The following UQCR11 variants were observed in gnomAD, a reference collection of about 807,000 sequenced individuals.
The protein encoded by UQCR11 is cytochrome b-c1 complex subunit 10.
A neutral mutation model predicts 7.6 loss-of-function variants in UQCR11; 10 were observed. The ratio of observed to expected loss-of-function variants is 1.31; its 90% confidence interval spans 0.81 to 2.22. UQCR11 has a LOEUF of 2.22. Ranked by LOEUF, UQCR11 falls within the 30% of genes most tolerant of loss-of-function variation. The pLI is 0.00. For synonymous variants in UQCR11, 34 were observed against 34.9 expected (o/e 0.97, Z 0.09); for missense variants, 86 against 75.1 (o/e 1.15, Z -0.54).
At position 1,605,413 on chromosome 19, in the gene UQCR11, G is replaced by C; in HGVS notation, c.-4C>G. ...GGCCCAGGAACCGGGTCACCATCGC[G>C]GCGGAGTCGCACCCTCAGGATGACC... On this transcript the variant is annotated 5_prime_UTR_variant, in exon 1 of 3. Coordinates refer to ENST00000591899, the MANE Select transcript of UQCR11 (RefSeq NM_006830.4). The C allele has an allele frequency of 3.2e-6, 5 of 1,570,608 alleles. No individual in the cohort carries two copies. The highest frequency in any genetic ancestry group is 4.3e-6 in the Non-Finnish European group (5 of 1,162,908).
At chr19:1,604,107 G>A (rs1314060451) in intron 1 of UQCR11, among the ~76,000 whole-genome samples, 1 of 152,054 alleles carries the variant, frequency 6.6e-6, no homozygotes, top group Non-Finnish European at 1.5e-5. Context: ...CACCATACTT[G>A]GCTAATTTTG....
chr19:1,605,332 G>T, intron 1 of UQCR11, 28 bp downstream of exon 1: 1 of 1,558,600 alleles, frequency 6.4e-7, no homozygotes, highest in Non-Finnish European at 8.6e-7. Flanking sequence ...GCGGGAGCGC[G>T]GATGGGGCCG....
chr19:1,597,619 T>C lies in UQCR11; in HGVS notation c.*625A>G, dbSNP rs1402762358. ...AAGCAGCTTCGTGTAGGGGCCCCCA[T>C]GGGAAGGAACTGTGGCTGTCACCGA... On this transcript the variant is annotated 3_prime_UTR_variant, in exon 3 of 3. Transcript: ENST00000591899. 1 of 151,896 alleles carries C rather than the reference T, an allele frequency of 6.6e-6. No homozygotes were observed. Among genetic ancestry groups the C allele is most frequent in the Non-Finnish European group, 1.5e-5 (1 of 67,950 alleles). The allele number at this position is 151,896 out of a possible 1,614,324, so 9.4% of individuals were successfully genotyped here.
At chr19:1,603,188 G>T (rs965595002) in intron 1 of UQCR11, among the ~76,000 whole-genome samples, 1 of 152,166 alleles carries the variant, frequency 6.6e-6, no homozygotes, top group Non-Finnish European at 1.5e-5. Flanking sequence ...CTCCCGCTTC[G>T]TTATTTTAGG....
chr19:1,605,373 G>C lies in UQCR11; in HGVS notation c.37C>G (p.Leu13Val), dbSNP rs148649128. 1.6e-4 allele frequency: 251 copies of C among 1,579,624 alleles called. 1 individual carries two copies. In the African/African-American group the frequency reaches 2.4e-3, roughly 15 times the overall value. Residue 13 changes from leucine (L) to valine (V), a missense_variant, in exon 1 of 3, where the codon CTG becomes GTG. By Grantham distance (32) the Leu-to-Val change is conservative. Transcript: ENST00000591899. ...CGGCGTCCTCACCAGTTCTTGACCA[G>C]CTCCCGGTAGCGTGGGCCCAGGAAC... ...TRFLGPRYRE[L>V]VKNWVPTAYT...
chr19:1,600,307 G>A (rs1022776129), intron 1 of UQCR11, among the ~76,000 whole-genome samples: 8 of 147,038 alleles, frequency 5.4e-5, no homozygotes, highest in South Asian at 2.2e-4. Flanking sequence ...TCCACCTCCC[G>A]GGTTCAAGCA....
At position 1,597,791 on chromosome 19, in the gene UQCR11, A is replaced by T. The variant is rs2060735849; in HGVS notation, c.*453T>A. ...CAGATACATCACTCCCAAATCCCCG[A>T]CTGACACAGACTGTGAGAGAGTGAA... is the stretch of plus-strand genomic sequence containing the variant. On this transcript the variant is annotated 3_prime_UTR_variant, in exon 3 of 3. Coordinates refer to ENST00000591899, the MANE Select transcript of UQCR11 (RefSeq NM_006830.4). 2.0e-5 allele frequency: 3 copies of T among 152,188 alleles called. No individual in the cohort carries two copies. The highest frequency in any genetic ancestry group is 1.3e-4 in the Admixed American group (2 of 15,270). The allele number at this position is 152,188 out of a possible 1,614,324, so 9.4% of individuals were successfully genotyped here.
intron 1 of UQCR11, among the ~76,000 whole-genome samples, chr19:1,599,878 G>A (rs1364293417): frequency 3.9e-5 from 6 of 152,378 alleles, no homozygotes; most frequent in South Asian, 2.1e-4. Context: ...GCTGCAGTCT[G>A]CAGAAATTCA....
At chr19:1,604,090 C>A (rs1599358294) in intron 1 of UQCR11, among the ~76,000 whole-genome samples, 1 of 152,254 alleles carries the variant, frequency 6.6e-6, no homozygotes, top group East Asian at 1.9e-4. Flanking sequence ...GGATTACAGG[C>A]ACGCGCCACC....
chr19:1,599,186 C>T (rs945949859), intron 2 of UQCR11: 5 of 502,378 alleles, frequency 1.0e-5, no homozygotes, highest in African/African-American at 2.0e-5. Context: ...AGAGGGAGGG[C>T]GAGGCCCACA....
chr19:1,601,586 C>A (rs1023552888), intron 1 of UQCR11, among the ~76,000 whole-genome samples: 1 of 142,990 alleles, frequency 7.0e-6, no homozygotes, highest in African/African-American at 2.6e-5. Flanking sequence ...GGTGACAGAG[C>A]GAGACACCGT....
chr19:1,600,228 T>C (rs1187437274), intron 1 of UQCR11, among the ~76,000 whole-genome samples: 2 of 149,954 alleles, frequency 1.3e-5, no homozygotes, highest in Non-Finnish European at 3.0e-5. Context: ...TTTTTTTTTT[T>C]TTTTGAGACG....
Position 1,605,448 on chromosome 19 carries a change from T to G in UQCR11, c.-39A>C. 4.0e-6 allele frequency: 5 copies of G among 1,258,450 alleles called. No individual in the cohort carries two copies. The highest frequency in any genetic ancestry group is 2.6e-5 in the South Asian group (2 of 77,456). The allele number at this position is 1,258,450 out of a possible 1,614,324, so 78.0% of individuals were successfully genotyped here. On this transcript the variant is annotated 5_prime_UTR_variant, in exon 1 of 3. Coordinates refer to ENST00000591899, the MANE Select transcript of UQCR11 (RefSeq NM_006830.4). ...CACCCTCAGGATGACCCTGTCCAGC[T>G]GACCCGGCTACACTGCGCAGGCGCG...
intron 2 of UQCR11, 126 bp downstream of exon 2, chr19:1,599,286 G>T: frequency 1.5e-6 from 2 of 1,314,982 alleles, no homozygotes; most frequent in Non-Finnish European, 2.1e-6. Flanking sequence ...CCCCACTCTC[G>T]AATGCAGGTC....
chr19:1,601,161 T>C (rs1403625477), intron 1 of UQCR11, among the ~76,000 whole-genome samples: 1 of 151,850 alleles, frequency 6.6e-6, no homozygotes, highest in East Asian at 2.0e-4. Context: ...AAAGTGAGAC[T>C]CCGTCTCAAA....
intron 2 of UQCR11, among the ~76,000 whole-genome samples, chr19:1,598,569 C>T (rs1484833426): frequency 6.6e-6 from 1 of 150,922 alleles, no homozygotes; most frequent in African/African-American, 2.4e-5. Context: ...AAATTAGCTG[C>T]GTGTAGTGGT....
rs561441837 is a variant in UQCR11 at position 1,605,383 on chromosome 19, G to A, written c.27C>T (p.Arg9=). Reference sequence around the variant, plus strand: ...ACCAGTTCTTGACCAGCTCCCGGTAGCGTGGGCCCAGGAACCGGGTCACCA... The same window carrying A: ...ACCAGTTCTTGACCAGCTCCCGGTAACGTGGGCCCAGGAACCGGGTCACCA... MVTRFLGP[R]YRELVKNWVP... Residue 9 remains arginine (R), a synonymous_variant, in exon 1 of 3, where the codon CGC becomes CGT. Coordinates refer to ENST00000591899, the MANE Select transcript of UQCR11 (RefSeq NM_006830.4). The A allele has an allele frequency of 5.7e-6, 9 of 1,578,516 alleles. No individual in the cohort carries two copies. In the East Asian group the frequency reaches 1.7e-4, roughly 30 times the overall value.
At chr19:1,603,969 G>C (rs911469517) in intron 1 of UQCR11, among the ~76,000 whole-genome samples, 2 of 152,214 alleles carry the variant, frequency 1.3e-5, no homozygotes, top group Admixed American at 1.3e-4. Flanking sequence ...TTTAGAAACG[G>C]AGTTTCGCTC....
chr19:1,603,929 T>C (rs1488168002), intron 1 of UQCR11, among the ~76,000 whole-genome samples: 2 of 152,234 alleles, frequency 1.3e-5, no homozygotes, highest in Non-Finnish European at 2.9e-5. Context: ...CCGGAGACAC[T>C]GCCAATCATA....
Sources: allele counts gnomAD v4.1 joint callset (sites outside exome capture counted in the v4.1 genomes callset), GRCh38; gene constraint gnomAD v4.1.1; transcripts MANE v1.5; gene names NCBI Gene and HGNC (gene_info 2026-07-23, HGNC 2026-07-21).